The following ZCWPW2 variants were observed in gnomAD, a reference collection of about 807,000 sequenced individuals.
ZCWPW2 encodes the protein zinc finger CW-type and PWWP domain containing 2.
ZCWPW2 carries 45 observed loss-of-function variants against 46.6 expected under a neutral mutation model. That is an observed-to-expected ratio of 0.96 (90% CI 0.76 to 1.24). The LOEUF (loss-of-function observed/expected upper bound fraction) is 1.24. Among genes scored for constraint, ZCWPW2 ranks in the 50% most tolerant of loss-of-function variants. ZCWPW2 has a pLI of 0.00. For missense variants in ZCWPW2, 429 were observed against 403.9 expected, an observed-to-expected ratio of 1.06 and a Z score of -0.53; for synonymous variants, 152 against 137.1, an observed-to-expected ratio of 1.11 and a Z score of -0.76.
intron 7 of ZCWPW2, among the ~76,000 whole-genome samples, chr3:28,514,884 C>A (rs553135997): frequency 1.2e-3 from 182 of 152,250 alleles, no homozygotes; most frequent in Non-Finnish European, 2.1e-3. Flanking sequence ...TACTCAAAAA[C>A]AAGGACTGAC....
At chr3:28,473,132 G>A (rs1267513431) in intron 4 of ZCWPW2, among the ~76,000 whole-genome samples, 1 of 152,128 alleles carries the variant, frequency 6.6e-6, no homozygotes, top group Admixed American at 6.5e-5. Context: ...GCGTTGGTGG[G>A]AATATAAATT....
chr3:28,369,594 C>T (rs1461222825), intron 1 of ZCWPW2, among the ~76,000 whole-genome samples: 1 of 152,202 alleles, frequency 6.6e-6, no homozygotes, highest in Non-Finnish European at 1.5e-5. Context: ...AGTTAGGCTA[C>T]TCGGGAGTCA....
intron 3 of ZCWPW2, among the ~76,000 whole-genome samples, chr3:28,420,313 T>G (rs1030693037): frequency 3.3e-5 from 5 of 152,150 alleles, no homozygotes; most frequent in African/African-American, 1.2e-4. Context: ...GCTTTGAATG[T>G]GTCCCAGAGA....
At chr3:28,509,337 T>C (rs1386235047) in intron 6 of ZCWPW2, among the ~76,000 whole-genome samples, 1 of 152,176 alleles carries the variant, frequency 6.6e-6, no homozygotes, top group African/African-American at 2.4e-5. Context: ...TTCTTGGGTA[T>C]ATACCTAGGA....
At chr3:28,454,594 G>A (rs951190640) in intron 4 of ZCWPW2, among the ~76,000 whole-genome samples, 19 of 152,100 alleles carry the variant, frequency 1.2e-4, no homozygotes, top group African/African-American at 4.1e-4. Flanking sequence ...CAGGTATTAA[G>A]CCCAGCATCC....
intron 1 of ZCWPW2, among the ~76,000 whole-genome samples, chr3:28,378,509 T>G (rs1392055001): frequency 6.6e-6 from 1 of 152,112 alleles, no homozygotes; most frequent in Non-Finnish European, 1.5e-5. Context: ...TCATTAAAAC[T>G]ATCTACGAAT....
rs527318059 is a variant in ZCWPW2 at position 28,463,127 on chromosome 3, A to T, written c.493-15687A>T. On this transcript the variant is annotated intron_variant, in intron 4 of 9. Coordinates refer to ENST00000383768, the MANE Select transcript of ZCWPW2 (RefSeq NM_001040432.4). ...TTATTCATTTATCAAAAATAATCTT[A>T]TTTATATTCATAAGTTTACATAAAT... Among the ~76,000 whole-genome samples the T allele has an allele frequency of 1.3e-3, 195 of 152,306 alleles. 1 individual carries two copies. The highest frequency in any genetic ancestry group is 3.5e-3 in the Admixed American group (53 of 15,294).
At chr3:28,485,090 T>G (rs1559524686) in intron 5 of ZCWPW2, among the ~76,000 whole-genome samples, 1 of 152,024 alleles carries the variant, frequency 6.6e-6, no homozygotes, top group Non-Finnish European at 1.5e-5. Context: ...ATTGATAAGT[T>G]GCACTTTCAT....
At chr3:28,456,562 G>A (rs79964028) in intron 4 of ZCWPW2, among the ~76,000 whole-genome samples, 1 of 152,116 alleles carries the variant, frequency 6.6e-6, no homozygotes, top group Admixed American at 6.5e-5. Context: ...AGTTTTCAAG[G>A]GAATGCTTCC....
intron 2 of ZCWPW2, among the ~76,000 whole-genome samples, chr3:28,397,186 T>G (rs887875166): frequency 3.3e-5 from 5 of 152,146 alleles, no homozygotes; most frequent in African/African-American, 1.2e-4. Context: ...TGATTTTACC[T>G]TTTTGGGTAC....
intron 1 of ZCWPW2, among the ~76,000 whole-genome samples, chr3:28,381,961 G>A (rs1002304272): frequency 1.3e-5 from 2 of 151,962 alleles, no homozygotes; most frequent in South Asian, 4.2e-4. Flanking sequence ...TCAGGAGTTC[G>A]AGACCATCCA....
chr3:28,450,057 C>T (rs1422835149), intron 4 of ZCWPW2, among the ~76,000 whole-genome samples: 1 of 152,140 alleles, frequency 6.6e-6, no homozygotes, highest in African/African-American at 2.4e-5. Context: ...TCAATTAAAT[C>T]AGAATCTCTT....
chr3:28,361,725 G>A (rs982604067), intron 1 of ZCWPW2, among the ~76,000 whole-genome samples: 4 of 152,072 alleles, frequency 2.6e-5, no homozygotes, highest in African/African-American at 4.8e-5. Context: ...GGCTTGATTA[G>A]ACATTTTTCT....
intron 2 of ZCWPW2, among the ~76,000 whole-genome samples, chr3:28,409,943 G>T (rs1250821367): frequency 1.3e-5 from 2 of 152,076 alleles, no homozygotes; most frequent in African/African-American, 4.8e-5. Flanking sequence ...ATTGTTTACA[G>T]GAGGCAGAGA....
chr3:28,403,881 A>C (rs1241030208), intron 2 of ZCWPW2, among the ~76,000 whole-genome samples: 1 of 152,222 alleles, frequency 6.6e-6, no homozygotes, highest in Non-Finnish European at 1.5e-5. Flanking sequence ...CTCACCTTAC[A>C]CAAAAATCAA....
chr3:28,405,007 C>A (rs1057411354), intron 2 of ZCWPW2, among the ~76,000 whole-genome samples: 1 of 152,160 alleles, frequency 6.6e-6, no homozygotes, highest in Non-Finnish European at 1.5e-5. Flanking sequence ...CAAATACCAC[C>A]TGTTCCCCAA....
At chr3:28,447,679 A>G (rs1412286112) in intron 4 of ZCWPW2, 2 of 418,338 alleles carry the variant, frequency 4.8e-6, no homozygotes, top group African/African-American at 2.0e-5. Context: ...GAAAAAAGAA[A>G]TAAAAGATAT....
At chr3:28,399,472 C>CA (rs1282253528) in intron 2 of ZCWPW2, among the ~76,000 whole-genome samples, 1 of 152,174 alleles carries the variant, frequency 6.6e-6, no homozygotes, top group Admixed American at 6.5e-5. Context: ...TGCAGGAGGC[C>CA]AACCAGCACA....
intron 1 of ZCWPW2, among the ~76,000 whole-genome samples, chr3:28,386,598 A>G (rs1264263091): frequency 2.0e-5 from 3 of 152,144 alleles, no homozygotes; most frequent in Non-Finnish European, 2.9e-5. Flanking sequence ...TATTATTTTG[A>G]TAGCCTATCC....
Sources: allele counts gnomAD v4.1 joint callset (sites outside exome capture counted in the v4.1 genomes callset), GRCh38; gene constraint gnomAD v4.1.1; transcripts MANE v1.5; gene names NCBI Gene and HGNC (gene_info 2026-07-23, HGNC 2026-07-21).